HR: variants seen among roughly 807,000 people sequenced by gnomAD.
HR encodes HR lysine demethylase and nuclear receptor corepressor.
In HR, 83 loss-of-function variants were observed where a neutral mutation model predicts 128.6. The ratio of observed to expected loss-of-function variants is 0.65; its 90% CI spans 0.54 to 0.77. HR has a LOEUF of 0.77. Among genes scored for constraint, HR ranks in the 30% least tolerant of loss-of-function variants. The pLI, the probability that HR is intolerant of heterozygous loss-of-function variation, is 0.00. For missense variants in HR, 1,490 were observed against 1,574.6 expected (o/e 0.95, Z 0.91); for synonymous variants, 681 against 658.2 (o/e 1.03, Z -0.53).
Position 22,119,081 on chromosome 8 carries a change from C to A in HR, c.3098-16G>T, listed in dbSNP as rs781407877. The A allele has an allele frequency of 1.2e-6, 2 of 1,613,322 alleles. No homozygotes were observed. Among genetic ancestry groups the A allele is most frequent in the East Asian group, 2.2e-5 (1 of 44,892 alleles). On this transcript the variant is annotated splice_polypyrimidine_tract_variant and intron_variant, in intron 15 of 18. Coordinates refer to ENST00000381418, the MANE Select transcript of HR (RefSeq NM_005144.5). ...GAAAGGAAGTCTGAGGAGGAAAGAG[C>A]GCTCAGGCAGGCCCAGGGCTGGTGG...
rs776737749 is a variant in HR, at chr8:22,118,953, C to G, written c.3210G>C (p.Gln1070His). Residue 1070 changes from glutamine (Q) to histidine (H), a missense_variant, in exon 16 of 19, where the codon CAG (glutamine) becomes CAC (histidine). Gln to His is a conservative substitution (Grantham distance 24, BLOSUM62 0). Around this residue, in one of 3 missense-constraint regions of HR, gnomAD observed 423 missense variants for 495.9 expected, o/e 0.85. Transcript: ENST00000381418. Reference protein sequence around the residue: ...QDAQRIRRFLQMVCPAGAGAL... With the variant: ...QDAQRIRRFLHMVCPAGAGAL... ...GGGCTCCCGGCTGCCTCCTCACCAT[C>G]TGGAGAAAGCGGCGGATGCGCTGGG... is the stretch of plus-strand genomic sequence containing the variant. 2 of 1,611,282 alleles carry G rather than the reference C, an allele frequency of 1.2e-6. No individual in the cohort carries two copies. Among genetic ancestry groups the G allele is most frequent in the Non-Finnish European group, 1.7e-6 (2 of 1,179,846 alleles).
chr8:22,127,532 A>G lies in HR; in HGVS notation c.910T>C (p.Tyr304His). 3 of 1,613,036 alleles carry G rather than the reference A, an allele frequency of 1.9e-6. No individual in the cohort carries two copies. The highest frequency in any genetic ancestry group is 2.5e-6 in the Non-Finnish European group (3 of 1,179,944). ...GGTGTTGCTGGTGGCCCCAGCTGGT[A>G]CCCAAGGTTCCCATCGCCTGGCCCA... ...WAGPGDGNLG[Y>H]QLGPPATPRC... The change falls in exon 3 of 19, where the codon TAC (tyrosine) becomes CAC (histidine). Residue 304 changes from tyrosine (Y) to histidine (H), a missense_variant. Physicochemically the swap from Tyr to His is moderately conservative, Grantham distance 83. This residue lies in a region of HR where 1,060 missense variants were observed against 1,060.9 expected (regional missense o/e 1.00). Transcript: ENST00000381418.
chr8:22,128,853 A>T lies in HR; in HGVS notation c.318T>A (p.His106Gln). 1 of 1,613,392 alleles carries T rather than the reference A, an allele frequency of 6.2e-7. No individual in the cohort carries two copies. The highest frequency in any genetic ancestry group is 1.1e-5 in the South Asian group (1 of 91,088). ...ACGCTGGCCCGCAGAATGCCAGCGG[A>T]TGGGTAAGCATGGCCTCCTTCCAGC... ...GLRWKEAMLTHPLAFCGPACP... is the reference protein window; with the variant it reads ...GLRWKEAMLTQPLAFCGPACP... Residue 106 changes from histidine (H) to glutamine (Q), a missense_variant, in exon 2 of 19, where the codon CAT becomes CAA. Physicochemically the swap from His to Gln is conservative, Grantham distance 24. This residue lies in a region of HR where 1,060 missense variants were observed against 1,060.9 expected (regional missense o/e 1.00). Coordinates refer to ENST00000381418, the MANE Select transcript of HR (RefSeq NM_005144.5).
rs758516263 is a variant in HR at position 22,127,260 on chromosome 8, TGGACATTCAAACTGCTCC to T, written c.1164_1181del (p.Glu389_Pro394del). 5 of 1,613,046 alleles carry T rather than the reference TGGACATTCAAACTGCTCC, an allele frequency of 3.1e-6. No individual in the cohort carries two copies. The Admixed American group carries it at 8.3e-5, about 27-fold the overall frequency. ...TCTCCTCGACCTCAGGGCAGCCGCG[TGGACATTCAAACTGCTCC>T]GAGTGCCGTGTGAGCCATGTCTTCT... On this transcript the variant is annotated inframe_deletion, in exon 3 of 19. Transcript: ENST00000381418.
chr8:22,125,777 G>A (rs374753020), intron 3 of HR, 45 bp from the exon 4 acceptor site: 5 of 1,606,234 alleles, frequency 3.1e-6, no homozygotes, highest in Non-Finnish European at 4.3e-6. Context: ...TTCTTGGGCT[G>A]CTGAGAACCC....
rs753018627 is a variant in HR at position 22,127,718 on chromosome 8, C to T, written c.724G>A (p.Glu242Lys). 4 of 1,606,682 alleles carry T rather than the reference C, an allele frequency of 2.5e-6. No homozygotes were observed. In the Admixed American group the frequency reaches 6.7e-5, roughly 27 times the overall value. ...NSGGHLQRAG[E>K]AERPSLHQRD... ...TGGTGCAGTGAAGGGCGTTCGGCCT[C>T]CCCGGCTCTCTGCAGGTGCCCACCA... The change falls in exon 3 of 19, where the codon GAG (glutamate) becomes AAG (lysine). Residue 242 changes from glutamate to lysine, a missense_variant. Physicochemically the swap from Glu to Lys is moderately conservative, Grantham distance 56. Transcript: ENST00000381418.
At position 22,130,784 on chromosome 8, in the gene HR, G is replaced by C. The variant is rs1827032398; in HGVS notation, c.-397C>G. On this transcript the variant is annotated 5_prime_UTR_variant, in exon 1 of 19. Coordinates refer to ENST00000381418, the MANE Select transcript of HR (RefSeq NM_005144.5). ...GGGAGCGGGTGCCCCCGGAGGGAGAGAAGGCGCCGGGCCGGGGGGAACACG... is the reference window on the plus strand; with the variant it reads ...GGGAGCGGGTGCCCCCGGAGGGAGACAAGGCGCCGGGCCGGGGGGAACACG... 6.6e-6 allele frequency: 1 copy of C among 152,134 alleles called. No homozygotes were observed. The highest frequency in any genetic ancestry group is 1.5e-5 in the Non-Finnish European group (1 of 68,038). 9.4% of individuals were successfully genotyped at this position (152,134 alleles called of 1,614,324 possible). A position where few individuals can be genotyped will look rare whatever the true frequency, so the allele number is the denominator to read the frequency against.
chr8:22,126,681 T>G (rs1420451781), intron 3 of HR, among the ~76,000 whole-genome samples: 1 of 152,204 alleles, frequency 6.6e-6, no homozygotes, highest in Admixed American at 6.5e-5. Flanking sequence ...CTTCCCCATT[T>G]TATAGATGAA....
In HR at chr8:22,116,882, G is replaced by T; in HGVS notation, c.3371C>A (p.Pro1124His). 1.3e-6 allele frequency: 2 copies of T among 1,571,180 alleles called. No homozygotes were observed. Among genetic ancestry groups the T allele is most frequent in the East Asian group, 4.6e-5 (2 of 43,356 alleles). ...GEAVLVPAGA[P>H]HQVQGLVSTV... Reference sequence around the variant, plus strand: ...CTGCCCGCTGGGAAGCACCTGGTGGGGAGCCCCTGCAGGCACCAGCACGGC... The same window carrying T: ...CTGCCCGCTGGGAAGCACCTGGTGGTGAGCCCCTGCAGGCACCAGCACGGC... Residue 1124 changes from proline (P) to histidine (H), a missense_variant, in exon 17 of 19, where the codon CCC (proline) becomes CAC (histidine). Transcript: ENST00000381418. This position sits in a 1 kb window ranked among gnomAD's most constrained non-coding sequence, Gnocchi z 4.2.
rs1826591243 is a variant in HR, at chr8:22,116,505, T to C, written c.3379-77A>G. ...TGTCCCCCTGGTCCCTGAGGTTCGC[T>C]TCCTCTAATGACAACCACCCCCGAC... On this transcript the variant is annotated intron_variant, in intron 17 of 18. Coordinates refer to ENST00000381418, the MANE Select transcript of HR (RefSeq NM_005144.5). The surrounding 1 kb of genome is among the most constrained non-coding windows in gnomAD (Gnocchi z 4.2). 2 of 1,557,128 alleles carry C rather than the reference T, an allele frequency of 1.3e-6. No homozygotes were observed. Among genetic ancestry groups the C allele is most frequent in the Admixed American group, 3.8e-5 (2 of 52,510 alleles).
rs1305162714 is a variant in HR at position 22,122,560 on chromosome 8, T to C, written c.2054A>G (p.Asp685Gly). ...TTGGCAGGGGCAGTGCCCCCGGATATCAAACTTGACCCAGACCTGGTGCAT... is the reference window on the plus strand; with the variant it reads ...TTGGCAGGGGCAGTGCCCCCGGATACCAAACTTGACCCAGACCTGGTGCAT... ...TAMHQVWVKF[D>G]IRGHCPCQAD... Residue 685 changes from aspartate to glycine, a missense_variant, in exon 8 of 19, where the codon GAT (aspartate) becomes GGT (glycine). By Grantham distance (94) the Asp-to-Gly change is moderately conservative (BLOSUM62 -1). This residue lies in a region of HR where 1,060 missense variants were observed against 1,060.9 expected (regional missense o/e 1.00). Coordinates refer to ENST00000381418, the MANE Select transcript of HR (RefSeq NM_005144.5). 1 of 1,611,952 alleles carries C rather than the reference T, an allele frequency of 6.2e-7. No homozygotes were observed. Among genetic ancestry groups the C allele is most frequent in the South Asian group, 1.1e-5 (1 of 90,862 alleles).
At chr8:22,124,579 C>T (rs1345066009) in intron 5 of HR, among the ~76,000 whole-genome samples, 1 of 152,174 alleles carries the variant, frequency 6.6e-6, no homozygotes, top group Non-Finnish European at 1.5e-5. Flanking sequence ...ATAAATACAG[C>T]GATGACTGTG....
At position 22,117,025 on chromosome 8, in the gene HR, C is replaced by T. The variant is rs570553679; in HGVS notation, c.3228G>A (p.Gly1076=). The change falls in exon 17 of 19, where the codon GGG becomes GGA. Residue 1076 remains glycine (G), a synonymous_variant. Transcript: ENST00000381418. ...GGGCGCCAGGCTCCAGGGCGCCTGC[C>T]CCGGCCGGGCACACCTCAAAGAAGA... ...RRFLQMVCPA[G]AGALEPGAPG... 649 of 1,507,486 alleles carry T rather than the reference C, an allele frequency of 4.3e-4. 1 individual carries two copies. The highest frequency in any genetic ancestry group is 5.3e-4 in the Non-Finnish European group (596 of 1,133,862). The allele number at this position is 1,507,486 out of a possible 1,614,324, so 93.4% of individuals were successfully genotyped here.
intron 16 of HR, chr8:22,117,794 C>G (rs1283694975): frequency 6.6e-6 from 1 of 152,542 alleles, no homozygotes; most frequent in Non-Finnish European, 1.5e-5. Context: ...GCAAGGACCT[C>G]AGCCATTGCC....
chr8:22,115,803 C>G lies in HR; in HGVS notation c.3508-41G>C, dbSNP rs1826570759. On this transcript the variant is annotated intron_variant, in intron 18 of 18. Coordinates refer to ENST00000381418, the MANE Select transcript of HR (RefSeq NM_005144.5). The stretch of plus-strand genomic sequence containing the variant: ...AGGACAAAGCATTTTCAACTACATT[C>G]CTGGGCCCACCCGCTGTCCCCCACC... 3.8e-6 allele frequency: 6 copies of G among 1,584,826 alleles called. No individual in the cohort carries two copies. In the East Asian group the frequency reaches 1.1e-4, roughly 30 times the overall value.
rs1826590647 is a variant in HR at position 22,116,482 on chromosome 8, T to A, written c.3379-54A>T. ...CTCAAGATCACACATCCTCTCCCTG[T>A]CCCCCTGGTCCCTGAGGTTCGCTTC... On this transcript the variant is annotated intron_variant, in intron 17 of 18. Coordinates refer to ENST00000381418, the MANE Select transcript of HR (RefSeq NM_005144.5). The surrounding 1 kb of genome is among the most constrained non-coding windows in gnomAD (Gnocchi z 4.2). 1 of 1,584,084 alleles carries A rather than the reference T, an allele frequency of 6.3e-7. No homozygotes were observed. The highest frequency in any genetic ancestry group is 1.3e-5 in the African/African-American group (1 of 74,096).
chr8:22,125,701 G>A lies in HR; in HGVS notation c.1437C>T (p.Asp479=), dbSNP rs772911313. 10 of 1,613,990 alleles carry A rather than the reference G, an allele frequency of 6.2e-6. No homozygotes were observed. The East Asian group carries it at 2.0e-4, about 32-fold the overall frequency. ...GPQDGQASLQ[D]PGLQDIPCLA... ...GGCATGGTATGTCCTGAAGTCCCGG[G>A]TCCTGGAGACTGGCCTGGCCATCTT... The change falls in exon 4 of 19, where the codon GAC becomes GAT. Residue 479 remains aspartate (D), a synonymous_variant. Transcript: ENST00000381418.
At position 22,128,752 on chromosome 8, in the gene HR, G is replaced by A; in HGVS notation, c.419C>T (p.Pro140Leu). 1.9e-6 allele frequency: 3 copies of A among 1,600,496 alleles called. No homozygotes were observed. The highest frequency in any genetic ancestry group is 2.6e-6 in the Non-Finnish European group (3 of 1,173,998). ...HLKSDPVAFRPWHCPFLLETK... is the reference protein window; with the variant it reads ...HLKSDPVAFRLWHCPFLLETK... Reference sequence around the variant, plus strand: ...CTCCAGAAGGAAAGGGCAGTGCCAGGGCCGGAAGGCCACAGGGTCACTCTT... The same window carrying A: ...CTCCAGAAGGAAAGGGCAGTGCCAGAGCCGGAAGGCCACAGGGTCACTCTT... Residue 140 changes from proline to leucine, a missense_variant, in exon 2 of 19, where the codon CCC becomes CTC. Physicochemically the swap from Pro to Leu is moderately conservative, Grantham distance 98. Coordinates refer to ENST00000381418, the MANE Select transcript of HR (RefSeq NM_005144.5).
intron 15 of HR, 26 bp downstream of exon 15, chr8:22,119,138 G>A (rs759583459): frequency 1.8e-5 from 29 of 1,613,552 alleles, no homozygotes; most frequent in South Asian, 1.4e-4. Flanking sequence ...GCTTGTCCCC[G>A]CTCCTGCCTC....
Sources: gnomAD v4.1 joint callset for allele counts (sites outside exome capture counted in the v4.1 genomes callset) on GRCh38, gnomAD v4.1.1 for gene constraint, gnomAD v4.1.1 regional missense constraint, Gnocchi (gnomAD v3.1) non-coding constraint, MANE v1.5 for transcripts, NCBI Gene and HGNC (gene_info 2026-07-23, HGNC 2026-07-21) for gene names.